The following RPS6KA2 variants were observed in gnomAD, a reference collection of about 807,000 sequenced individuals.
RPS6KA2 encodes ribosomal protein S6 kinase A2.
RPS6KA2 carries 42 observed loss-of-function variants against 91.8 expected under a neutral mutation model. The ratio of observed to expected loss-of-function variants is 0.46; its 90% CI spans 0.36 to 0.59. The LOEUF (loss-of-function observed/expected upper bound fraction) is 0.59. Among genes scored for constraint, RPS6KA2 ranks in the 20% least tolerant of loss-of-function variants. RPS6KA2 has a pLI of 0.00. For missense variants in RPS6KA2, 798 were observed against 978.5 expected (o/e 0.82, Z 2.46); for synonymous variants, 414 against 393.6 (o/e 1.05, Z -0.61).
intron 2 of RPS6KA2, among the ~76,000 whole-genome samples, chr6:166,752,687 T>C (rs1164932843): frequency 1.3e-5 from 2 of 152,198 alleles, no homozygotes; most frequent in Non-Finnish European, 2.9e-5. Context: ...AGTTAATTGA[T>C]TTCTCCCAAG....
intron 2 of RPS6KA2, among the ~76,000 whole-genome samples, chr6:166,832,934 T>C (rs1464081466): frequency 6.6e-6 from 1 of 152,216 alleles, no homozygotes; most frequent in Non-Finnish European, 1.5e-5. Context: ...TCATTGCAAA[T>C]AGATCTTGCC....
chr6:166,587,612 C>T (rs2128519743), intron 1 of RPS6KA2, among the ~76,000 whole-genome samples: 1 of 145,570 alleles, frequency 6.9e-6, no homozygotes, highest in East Asian at 2.1e-4. Context: ...ACGAGTCTGC[C>T]CTTTTTGAAG....
chr6:166,793,490 T>C (rs924173849), intron 2 of RPS6KA2, among the ~76,000 whole-genome samples: 5 of 149,538 alleles, frequency 3.3e-5, no homozygotes, highest in African/African-American at 9.9e-5. Flanking sequence ...CTTCACAGAA[T>C]TGGAAAAAAC....
chr6:166,680,125 C>T (rs1788746403), intron 2 of RPS6KA2, among the ~76,000 whole-genome samples: 1 of 151,928 alleles, frequency 6.6e-6, no homozygotes, highest in Non-Finnish European at 1.5e-5. Flanking sequence ...CCAATCAGCA[C>T]TTGTTTAGCT....
intron 2 of RPS6KA2, among the ~76,000 whole-genome samples, chr6:166,677,658 C>G (rs1443599781): frequency 1.3e-5 from 2 of 152,146 alleles, no homozygotes; most frequent in African/African-American, 4.8e-5. Flanking sequence ...GGTATTAATG[C>G]TATTCCATCT....
chr6:166,524,078 A>T (rs1782946455), intron 3 of RPS6KA2, among the ~76,000 whole-genome samples: 2 of 152,180 alleles, frequency 1.3e-5, no homozygotes, highest in South Asian at 4.1e-4. Context: ...CGTGGGTGCC[A>T]TGAGAGTGAC....
At chr6:166,627,666 G>A (rs1035601589), upstream of RPS6KA2, 2 of 152,224 alleles carry the variant, frequency 1.3e-5, no homozygotes, top group Non-Finnish European at 2.9e-5. Flanking sequence ...ACAGCTCCCG[G>A]CCCGGGCGAG....
At chr6:166,595,688 G>A (rs547672394) in intron 1 of RPS6KA2, among the ~76,000 whole-genome samples, 15 of 152,312 alleles carry the variant, frequency 9.8e-5, no homozygotes, top group Admixed American at 9.8e-4. Context: ...TGTTTCTAAG[G>A]AGAGAATCCA....
At chr6:166,463,442 G>A (rs1034118296) in intron 11 of RPS6KA2, 11 of 152,164 alleles carry the variant, frequency 7.2e-5, no homozygotes, top group Admixed American at 3.9e-4. Context: ...GATCAAATTC[G>A]CCAGGCACAT....
intron 1 of RPS6KA2, chr6:166,586,546 C>T: frequency 6.8e-7 from 1 of 1,470,026 alleles, no homozygotes; most frequent in Admixed American, 1.8e-5. Flanking sequence ...CCGCCAAGGG[C>T]TATGTCTATC....
chr6:166,553,954 G>T (rs1370711163), intron 1 of RPS6KA2, among the ~76,000 whole-genome samples: 7 of 152,066 alleles, frequency 4.6e-5, no homozygotes, highest in Non-Finnish European at 1.0e-4. Context: ...TACACAGTTA[G>T]GTCAAAGTCT....
At chr6:166,421,029 T>C (rs1297011706) in intron 17 of RPS6KA2, among the ~76,000 whole-genome samples, 1 of 152,170 alleles carries the variant, frequency 6.6e-6, no homozygotes, top group East Asian at 1.9e-4. Flanking sequence ...GCTGCTACCA[T>C]GTGTGAGCCT....
At chr6:166,806,265 A>C (rs1779490145) in intron 2 of RPS6KA2, among the ~76,000 whole-genome samples, 1 of 152,248 alleles carries the variant, frequency 6.6e-6, no homozygotes, top group Non-Finnish European at 1.5e-5. Flanking sequence ...GAATATTAGC[A>C]TCCAAGAAAT....
rs1430639861 is a variant in RPS6KA2 at position 166,626,010 on chromosome 6, C to G, written c.99+911G>C. ...TTGAGATTGTTCCAGCTGAAACAAA[C>G]CAACCAAAACCCCACAGGTGCCAGC... On this transcript the variant is annotated intron_variant, in intron 1 of 20. Transcript: ENST00000265678. The surrounding 1 kb of genome is among the most constrained non-coding windows in gnomAD (Gnocchi z 4.1). Among the ~76,000 whole-genome samples the G allele has an allele frequency of 6.6e-6, 1 of 152,206 alleles. No homozygotes were observed. The highest frequency in any genetic ancestry group is 2.4e-5 in the African/African-American group (1 of 41,428).
At chr6:166,719,354 T>C (rs1000441179) in intron 2 of RPS6KA2, among the ~76,000 whole-genome samples, 1 of 152,244 alleles carries the variant, frequency 6.6e-6, no homozygotes, top group African/African-American at 2.4e-5. Context: ...TTATGCATCA[T>C]GAAATCTTCT....
In RPS6KA2 at chr6:166,839,354, A is replaced by C. The variant is rs1780400486; in HGVS notation, c.123+18846T>G. On this transcript the variant is annotated intron_variant, in intron 2 of 21. Transcript: ENST00000503859. ...ACATCAAACACCCAAAAACCAGAGG[A>C]CTTGTCATTCATCACTGCAGTGTCT... Among the ~76,000 whole-genome samples the C allele has an allele frequency of 2.6e-5, 4 of 152,046 alleles. No individual in the cohort carries two copies. In the South Asian group the frequency reaches 8.3e-4, roughly 32 times the overall value.
chr6:166,840,752 G>A (rs566560079), intron 2 of RPS6KA2, among the ~76,000 whole-genome samples: 10 of 152,182 alleles, frequency 6.6e-5, no homozygotes, highest in South Asian at 2.1e-4. Context: ...ACCTGAGGTC[G>A]GGAGTTCGAG....
intron 2 of RPS6KA2, among the ~76,000 whole-genome samples, chr6:166,675,214 C>T (rs570137080): frequency 2.0e-5 from 3 of 152,148 alleles, no homozygotes; most frequent in Non-Finnish European, 2.9e-5. Context: ...GAAAACAGGA[C>T]GAAAGCCAAA....
chr6:166,817,835 G>A (rs774080031), intron 2 of RPS6KA2, among the ~76,000 whole-genome samples: 65 of 151,560 alleles, frequency 4.3e-4, no homozygotes, highest in Admixed American at 3.8e-3. Context: ...TGATTCTTCC[G>A]TTTCAGCCTC....
Sources: gnomAD v4.1 joint callset for allele counts (sites outside exome capture counted in the v4.1 genomes callset) on GRCh38, gnomAD v4.1.1 for gene constraint, Gnocchi (gnomAD v3.1) non-coding constraint, MANE v1.5 for transcripts, NCBI Gene and HGNC (gene_info 2026-07-23, HGNC 2026-07-21) for gene names.